TENM4: variants seen among roughly 807,000 people sequenced by gnomAD.
TENM4 encodes the protein teneurin transmembrane protein 4.
In TENM4, 82 loss-of-function variants were observed where a neutral mutation model predicts 243.3. The observed-to-expected ratio is 0.34, with a 90% CI of 0.28 to 0.40. The LOEUF is 0.40. Ranked by LOEUF, TENM4 falls within the 10% of genes least tolerant of loss-of-function variation. The pLI is 1.00. For missense variants in TENM4, 3,138 were observed against 3,673.3 expected, an observed-to-expected ratio of 0.85 and a Z score of 3.77; for synonymous variants, 1,412 against 1,456.3, an observed-to-expected ratio of 0.97 and a Z score of 0.69.
intron 3 of TENM4, among the ~76,000 whole-genome samples, chr11:79,164,707 C>T (rs1184437296): frequency 6.6e-6 from 1 of 151,070 alleles, no homozygotes; most frequent in African/African-American, 2.4e-5. Context: ...ATCATGGGGG[C>T]TGATCTTTCC....
At chr11:78,674,680 G>A (rs1327259262) in intron 30 of TENM4, among the ~76,000 whole-genome samples, 2 of 150,406 alleles carry the variant, frequency 1.3e-5, no homozygotes, top group African/African-American at 2.5e-5. Context: ...GGGGAGCTCA[G>A]TGAGGCCACA....
chr11:78,690,276 C>T (rs976913353), intron 28 of TENM4, among the ~76,000 whole-genome samples: 1 of 152,200 alleles, frequency 6.6e-6, no homozygotes, highest in South Asian at 2.1e-4. Flanking sequence ...AGAGACTTCT[C>T]TCACATGGAG....
At chr11:78,766,481 T>A (rs929423278) in intron 18 of TENM4, among the ~76,000 whole-genome samples, 17 of 152,278 alleles carry the variant, frequency 1.1e-4, no homozygotes, top group African/African-American at 3.6e-4. Flanking sequence ...GTGGGGCACA[T>A]AGAGACTTCA....
intron 2 of TENM4, among the ~76,000 whole-genome samples, chr11:79,252,598 A>T (rs556803653): frequency 6.6e-6 from 1 of 152,300 alleles, no homozygotes; most frequent in East Asian, 1.9e-4. Context: ...GGTGCTGTGA[A>T]CTATCTATAG....
chr11:78,961,143 C>T (rs967702035), intron 6 of TENM4, among the ~76,000 whole-genome samples: 1 of 152,194 alleles, frequency 6.6e-6, no homozygotes, highest in Admixed American at 6.5e-5. Context: ...AGAATCTGGC[C>T]TGGAATTTAG....
intron 1 of TENM4, among the ~76,000 whole-genome samples, chr11:79,310,158 C>G (rs909309082): frequency 2.0e-5 from 3 of 152,182 alleles, no homozygotes; most frequent in African/African-American, 7.2e-5. Context: ...AAAGGAGGTA[C>G]TCTAGAAACA....
chr11:79,334,909 G>T (rs1285731110), intron 1 of TENM4, among the ~76,000 whole-genome samples: 1 of 152,116 alleles, frequency 6.6e-6, no homozygotes, highest in Non-Finnish European at 1.5e-5. Context: ...AACTTCCCAT[G>T]ATTTCTTTCT....
At chr11:79,392,370 T>TACGC (rs1310421132) in intron 1 of TENM4, among the ~76,000 whole-genome samples, 1 of 152,210 alleles carries the variant, frequency 6.6e-6, no homozygotes, top group Non-Finnish European at 1.5e-5. Context: ...AATTAGGAGA[T>TACGC]ACGCACGTTG....
chr11:78,812,187 T>G lies in TENM4; in HGVS notation c.1913A>C (p.His638Pro). The G allele has an allele frequency of 6.4e-7, 1 of 1,551,834 alleles. No individual in the cohort carries two copies. The highest frequency in any genetic ancestry group is 2.4e-5 in the East Asian group (1 of 40,918). The change falls in exon 14 of 34, where the codon CAT becomes CCT. Residue 638 changes from histidine (H) to proline (P), a missense_variant. Transcript: ENST00000278550. Reference protein sequence around the residue: ...NQCIDVACSNHGTCITGTCIC... With the variant: ...NQCIDVACSNPGTCITGTCIC... ...GCAGGTGCCCGTGATGCAGGTGCCA[T>G]GGTTGCTGCAGGCCACATCGATACA...
intron 17 of TENM4, among the ~76,000 whole-genome samples, chr11:78,775,173 C>G (rs1304474005): frequency 6.6e-6 from 1 of 152,164 alleles, no homozygotes; most frequent in African/African-American, 2.4e-5. Flanking sequence ...GAGCATTATC[C>G]AATTTGACCT....
At chr11:78,873,410 C>A (rs1235455669) in intron 9 of TENM4, among the ~76,000 whole-genome samples, 1 of 152,120 alleles carries the variant, frequency 6.6e-6, no homozygotes, top group Non-Finnish European at 1.5e-5. Context: ...CTCACAAAGC[C>A]CAATGGGGTA....
chr11:78,907,244 C>CTT (rs529102939), intron 6 of TENM4, among the ~76,000 whole-genome samples: 32 of 133,746 alleles, frequency 2.4e-4, no homozygotes, highest in Middle Eastern at 7.8e-3. Flanking sequence ...GAATGGACTC[C>CTT]TTTTTTTTTT....
rs1313799742 is a variant in TENM4, at chr11:78,922,862, G to C, written c.494-19339C>G. On this transcript the variant is annotated intron_variant, in intron 6 of 33. Transcript: ENST00000278550. ...GGGATGAGAATCCGCCAAGGAAGGAGGTGAGATGTATGATGCTAGCCTCCA... is the reference window on the plus strand; with the variant it reads ...GGGATGAGAATCCGCCAAGGAAGGACGTGAGATGTATGATGCTAGCCTCCA... 2.6e-5 allele frequency among the ~76,000 whole-genome samples: 4 copies of C among 152,170 alleles called. No homozygotes were observed. The East Asian group carries it at 5.8e-4, about 22-fold the overall frequency.
chr11:79,103,320 T>C (rs955774537), intron 4 of TENM4, among the ~76,000 whole-genome samples: 6 of 152,196 alleles, frequency 3.9e-5, no homozygotes, highest in African/African-American at 1.4e-4. Context: ...TGTATGATTA[T>C]AGAAATAACA....
At chr11:79,117,262 C>A (rs1861641717) in intron 4 of TENM4, among the ~76,000 whole-genome samples, 1 of 152,142 alleles carries the variant, frequency 6.6e-6, no homozygotes, top group African/African-American at 2.4e-5. Flanking sequence ...CAGAGACAGG[C>A]ACATAATGGC....
At chr11:79,375,758 A>T (rs756371597) in intron 1 of TENM4, among the ~76,000 whole-genome samples, 6 of 152,192 alleles carry the variant, frequency 3.9e-5, no homozygotes, top group Non-Finnish European at 8.8e-5. Flanking sequence ...AGTGACCTTT[A>T]AGAGGAGACC....
intron 6 of TENM4, among the ~76,000 whole-genome samples, chr11:78,989,997 C>T (rs1304563299): frequency 6.0e-5 from 9 of 150,798 alleles, no homozygotes; most frequent in South Asian, 4.2e-4. Flanking sequence ...CCGGGGAAGT[C>T]GAGGCTGCTG....
intron 3 of TENM4, among the ~76,000 whole-genome samples, chr11:79,214,523 C>T (rs1864013205): frequency 6.6e-6 from 1 of 152,176 alleles, no homozygotes; most frequent in African/African-American, 2.4e-5. Context: ...ATGTAAGGTC[C>T]AGACTCCAGC....
chr11:79,000,478 A>G (rs1221261766), intron 6 of TENM4, among the ~76,000 whole-genome samples: 2 of 152,174 alleles, frequency 1.3e-5, no homozygotes, highest in East Asian at 3.8e-4. Context: ...GTGACAAAAA[A>G]TAGCAAAAGA....
Sources: gnomAD v4.1 joint callset for allele counts (sites outside exome capture counted in the v4.1 genomes callset) on GRCh38, gnomAD v4.1.1 for gene constraint, MANE v1.5 for transcripts, NCBI Gene and HGNC (gene_info 2026-07-23, HGNC 2026-07-21) for gene names.